Variants in IRF2 observed in about 807,000 individuals in gnomAD.
The protein encoded by IRF2 is interferon regulatory factor 2.
Under a neutral mutation model 40.6 loss-of-function variants are expected in IRF2, and 15 were observed. The observed-to-expected ratio is 0.37, with a 90% CI of 0.25 to 0.57. The LOEUF (loss-of-function observed/expected upper bound fraction) is 0.57. Among genes scored for constraint, IRF2 ranks in the 20% least tolerant of loss-of-function variants. The pLI, the probability that IRF2 is intolerant of heterozygous loss-of-function variation, is 0.77. For missense variants in IRF2, 317 were observed against 455.7 expected (o/e 0.70, Z 2.77); for synonymous variants, 151 against 165.5 (o/e 0.91, Z 0.67).
intron 1 of IRF2, among the ~76,000 whole-genome samples, chr4:184,454,488 G>T (rs1239343402): frequency 6.6e-6 from 1 of 152,172 alleles, no homozygotes; most frequent in Non-Finnish European, 1.5e-5. Context: ...TACCTCCGAA[G>T]CAAGAATCCA....
chr4:184,395,117 G>A (rs1184621544), intron 7 of IRF2, among the ~76,000 whole-genome samples: 1 of 152,112 alleles, frequency 6.6e-6, no homozygotes, highest in Non-Finnish European at 1.5e-5. Context: ...GATGAATAAA[G>A]GTGGTCAGAG....
At chr4:184,439,849 G>A (rs762945895) in intron 1 of IRF2, among the ~76,000 whole-genome samples, 3 of 152,180 alleles carry the variant, frequency 2.0e-5, no homozygotes, top group Non-Finnish European at 4.4e-5. Context: ...ATGTGTGTGT[G>A]CACAAAAGTC....
At position 184,434,408 on chromosome 4, in the gene IRF2, GT is replaced by G. The variant is rs554860375; in HGVS notation, c.-6-5339del. Reference sequence around the variant, plus strand: ...ATGATACGATGAATCATAATCTGATGTTTTTTTTTCTGTAAGCTTCTCTTCT... The same window carrying G: ...ATGATACGATGAATCATAATCTGATGTTTTTTTTCTGTAAGCTTCTCTTCT... On this transcript the variant is annotated intron_variant, in intron 1 of 8. Transcript: ENST00000393593. Among the ~76,000 whole-genome samples, 284 of 151,390 alleles carry G rather than the reference GT, an allele frequency of 1.9e-3. 1 individual carries two copies. Among genetic ancestry groups the G allele is most frequent in the Non-Finnish European group, 2.9e-3 (198 of 67,794 alleles).
At chr4:184,425,137 C>A (rs1051264025) in intron 2 of IRF2, among the ~76,000 whole-genome samples, 2 of 151,718 alleles carry the variant, frequency 1.3e-5, no homozygotes, top group African/African-American at 4.9e-5. Flanking sequence ...GTCCCACAGC[C>A]CCATGGACAG....
rs748485519 is a variant in IRF2, at chr4:184,388,757, C to T, written c.*1G>A. ...AACAACCACCGCGGAGAGTCAGAGGCTTAACAGCTCTTGACGCGGGCCTGG... is the reference window on the plus strand; with the variant it reads ...AACAACCACCGCGGAGAGTCAGAGGTTTAACAGCTCTTGACGCGGGCCTGG... On this transcript the variant is annotated 3_prime_UTR_variant, in exon 9 of 9. Coordinates refer to ENST00000393593, the MANE Select transcript of IRF2 (RefSeq NM_002199.4). The surrounding 1 kb of genome is among the most constrained non-coding windows in gnomAD (Gnocchi z 4.6). 1 of 1,606,122 alleles carries T rather than the reference C, an allele frequency of 6.2e-7. No individual in the cohort carries two copies. Among genetic ancestry groups the T allele is most frequent in the East Asian group, 2.2e-5 (1 of 44,868 alleles).
chr4:184,391,012 C>T (rs537387624), intron 7 of IRF2, among the ~76,000 whole-genome samples: 17 of 152,332 alleles, frequency 1.1e-4, no homozygotes, highest in South Asian at 2.1e-4. Flanking sequence ...CAGGAAGGGG[C>T]GCTGGTCCCT....
intron 1 of IRF2, among the ~76,000 whole-genome samples, chr4:184,447,323 G>C (rs1738547905): frequency 6.6e-6 from 1 of 152,180 alleles, no homozygotes; most frequent in Non-Finnish European, 1.5e-5. Context: ...ATGTATTTCT[G>C]TCATTGAACA....
At chr4:184,436,001 A>G (rs541142257) in intron 1 of IRF2, among the ~76,000 whole-genome samples, 2 of 146,576 alleles carry the variant, frequency 1.4e-5, no homozygotes, top group South Asian at 4.2e-4. Flanking sequence ...TTTTTGAGAC[A>G]GAGTCTCGCT....
At chr4:184,449,789 G>GA (rs1305663186) in intron 1 of IRF2, among the ~76,000 whole-genome samples, 2 of 152,206 alleles carry the variant, frequency 1.3e-5, no homozygotes, top group Admixed American at 6.5e-5. Context: ...GAATTCACTA[G>GA]AAATGTACTG....
intron 1 of IRF2, among the ~76,000 whole-genome samples, chr4:184,456,243 A>G (rs1314588869): frequency 6.6e-6 from 1 of 152,208 alleles, no homozygotes; most frequent in Non-Finnish European, 1.5e-5. Flanking sequence ...TCAAAGGCCT[A>G]TGGGGAAGTT....
intron 2 of IRF2, among the ~76,000 whole-genome samples, chr4:184,427,170 G>T (rs1014095066): frequency 7.9e-5 from 12 of 152,162 alleles, no homozygotes; most frequent in Non-Finnish European, 1.3e-4. Flanking sequence ...TGTTTCTTTG[G>T]AAGAAGCTGA....
intron 7 of IRF2, among the ~76,000 whole-genome samples, chr4:184,391,471 T>A (rs1736259897): frequency 6.6e-6 from 1 of 152,230 alleles, no homozygotes; most frequent in African/African-American, 2.4e-5. Flanking sequence ...GCAACCATGT[T>A]GGGAAGGCTC....
Position 184,388,211 on chromosome 4 carries a change from T to TGGGGC in IRF2, c.*546_*547insGCCCC, listed in dbSNP as rs1736125335. 1 of 4,222 alleles carries TGGGGC rather than the reference T, an allele frequency of 2.4e-4. No individual in the cohort carries two copies. Among genetic ancestry groups the TGGGGC allele is most frequent in the Non-Finnish European group, 4.9e-4 (1 of 2,052 alleles). 0.3% of individuals were successfully genotyped at this position (4,222 alleles called of 1,614,324 possible). ...AAGGAAAAGTAGGAAAAGAGCGGGA[T>TGGGGC]GGGATGGGATGGGATGGGATGGGAT... is the stretch of plus-strand genomic sequence containing the variant. On this transcript the variant is annotated 3_prime_UTR_variant, in exon 9 of 9. Coordinates refer to ENST00000393593, the MANE Select transcript of IRF2 (RefSeq NM_002199.4). The surrounding 1 kb of genome is among the most constrained non-coding windows in gnomAD (Gnocchi z 4.6).
chr4:184,392,049 C>A (rs1736279739), intron 7 of IRF2, among the ~76,000 whole-genome samples: 1 of 152,202 alleles, frequency 6.6e-6, no homozygotes, highest in Non-Finnish European at 1.5e-5. Flanking sequence ...TTACACATGA[C>A]CTATGCTTAT....
chr4:184,457,398 G>C (rs1738984177), intron 1 of IRF2, among the ~76,000 whole-genome samples: 1 of 152,202 alleles, frequency 6.6e-6, no homozygotes, highest in African/African-American at 2.4e-5. Context: ...ACTCTGGGCG[G>C]ATAGGAAGCC....
chr4:184,446,680 A>T (rs1161153729), intron 1 of IRF2, among the ~76,000 whole-genome samples: 10 of 152,206 alleles, frequency 6.6e-5, no homozygotes, highest in Non-Finnish European at 1.3e-4. Context: ...ATATCTCAAT[A>T]AACACAGAAA....
chr4:184,448,032 A>G lies in IRF2; in HGVS notation c.-6-18962T>C, dbSNP rs1738578645. 6.6e-6 allele frequency among the ~76,000 whole-genome samples: 1 copy of G among 152,236 alleles called. No individual in the cohort carries two copies. The highest frequency in any genetic ancestry group is 6.5e-5 in the Admixed American group (1 of 15,286). Reference sequence around the variant, plus strand: ...CTTCGTTACAGCAAAGACACATTCAAGTACTCAGGAGTGATGGGATATCAG... The same window carrying G: ...CTTCGTTACAGCAAAGACACATTCAGGTACTCAGGAGTGATGGGATATCAG... On this transcript the variant is annotated intron_variant, in intron 1 of 8. Transcript: ENST00000393593. This position sits in a 1 kb window ranked among gnomAD's most constrained non-coding sequence, Gnocchi z 4.3.
chr4:184,456,296 G>A (rs770632896), intron 1 of IRF2, among the ~76,000 whole-genome samples: 1 of 152,206 alleles, frequency 6.6e-6, no homozygotes, highest in South Asian at 2.1e-4. Context: ...ACTCTGGAAG[G>A]CTTCCTAGAA....
intron 5 of IRF2, among the ~76,000 whole-genome samples, chr4:184,409,420 G>C (rs564472241): frequency 2.0e-5 from 3 of 151,962 alleles, no homozygotes; most frequent in Admixed American, 2.0e-4. Context: ...GACTTCAAAG[G>C]CATCACTCCA....
Sources: allele counts gnomAD v4.1 joint callset (sites outside exome capture counted in the v4.1 genomes callset), GRCh38; gene constraint gnomAD v4.1.1; non-coding constraint Gnocchi (gnomAD v3.1); transcripts MANE v1.5; gene names NCBI Gene and HGNC (gene_info 2026-07-23, HGNC 2026-07-21).